GARRE1: variants seen among roughly 807,000 people sequenced by gnomAD.
GARRE1 encodes granule associated Rac and RHOG effector 1, also known as granule associated Rac and RHOG effector protein 1.
GARRE1 carries 49 observed loss-of-function variants against 103.2 expected under a neutral mutation model. That is an observed-to-expected ratio of 0.47 (90% confidence interval 0.38 to 0.60). GARRE1 has a LOEUF of 0.60. GARRE1 is among the 20% of genes least tolerant of loss of function. The pLI is 0.00. For missense variants in GARRE1, 1,199 were observed against 1,370.5 expected, an observed-to-expected ratio of 0.87 and a Z score of 1.98; for synonymous variants, 505 against 532.8, an observed-to-expected ratio of 0.95 and a Z score of 0.72.
Position 34,267,248 on chromosome 19 carries a change from A to G in GARRE1, c.-796+12634A>G, listed in dbSNP as rs1209499785. Among the ~76,000 whole-genome samples, 3 of 152,312 alleles carry G rather than the reference A, an allele frequency of 2.0e-5. No individual in the cohort carries two copies. The East Asian group carries it at 5.8e-4, about 29-fold the overall frequency. On this transcript the variant is annotated intron_variant, in intron 1 of 13. Transcript: ENST00000299505. ...CAACTGCAGTACTCTAGCCTTGGCA[A>G]CAGAGCAAGAGACTGTAAGGTCTCA...
At chr19:34,279,333 C>G (rs1044863426) in intron 1 of GARRE1, among the ~76,000 whole-genome samples, 3 of 152,148 alleles carry the variant, frequency 2.0e-5, no homozygotes, top group Non-Finnish European at 2.9e-5. Flanking sequence ...CAGTGTCTCG[C>G]TCTCCGTCCC....
intron 1 of GARRE1, chr19:34,296,647 G>A: frequency 9.7e-7 from 1 of 1,033,286 alleles, no homozygotes; most frequent in East Asian, 2.4e-5. Context: ...ATCCACTTAA[G>A]AGATTTGTAT....
rs752618900 is a variant in GARRE1 at position 34,330,259 on chromosome 19, T to C, written c.1175T>C (p.Val392Ala). Reference protein sequence around the residue: ...NGITSRDDFPVTEVLNQVCPS... With the variant: ...NGITSRDDFPATEVLNQVCPS... ...ATCACATCCAGGGATGATTTTCCTG[T>C]GACTGAAGTGCTGAACCAGGTTTGC... The change falls in exon 7 of 14, where the codon GTG becomes GCG. Residue 392 changes from valine to alanine, a missense_variant. Coordinates refer to ENST00000299505, the MANE Select transcript of GARRE1 (RefSeq NM_014686.5). The C allele has an allele frequency of 3.1e-6, 5 of 1,614,188 alleles. No homozygotes were observed. Among genetic ancestry groups the C allele is most frequent in the Non-Finnish European group, 4.2e-6 (5 of 1,180,000 alleles).
intron 2 of GARRE1, among the ~76,000 whole-genome samples, chr19:34,319,504 T>C (rs554541760): frequency 4.6e-5 from 7 of 152,214 alleles, no homozygotes; most frequent in Non-Finnish European, 1.0e-4. Context: ...TTCAGATTTT[T>C]AGTTGCATGG....
chr19:34,343,033 G>A (rs1485297508), intron 10 of GARRE1, among the ~76,000 whole-genome samples: 1 of 151,992 alleles, frequency 6.6e-6, no homozygotes, highest in African/African-American at 2.4e-5. Flanking sequence ...AAGTAAATTA[G>A]AAAGAAAAAT....
At chr19:34,306,522 G>A (rs1030773693) in intron 2 of GARRE1, among the ~76,000 whole-genome samples, 1 of 152,194 alleles carries the variant, frequency 6.6e-6, no homozygotes, top group Non-Finnish European at 1.5e-5. Context: ...GCATATGTGA[G>A]TCCTGTCCAG....
intron 1 of GARRE1, among the ~76,000 whole-genome samples, chr19:34,290,444 A>G (rs2073911308): frequency 6.6e-6 from 1 of 152,196 alleles, no homozygotes; most frequent in African/African-American, 2.4e-5. Flanking sequence ...ATGTGCTAAG[A>G]GGACTTCACT....
chr19:34,263,647 T>G (rs1206657359), intron 1 of GARRE1, among the ~76,000 whole-genome samples: 1 of 151,986 alleles, frequency 6.6e-6, no homozygotes, highest in Non-Finnish European at 1.5e-5. Context: ...CTGGCTAATT[T>G]TTGTATTTTT....
rs567592914 is a variant in GARRE1 at position 34,319,483 on chromosome 19, A to AAAT, written c.496-424_496-423insAAT. On this transcript the variant is annotated intron_variant, in intron 2 of 13. Transcript: ENST00000299505. Reference sequence around the variant, plus strand: ...TTTCAACGGAATGTCTTATGGTCAAACTGGCCTTCTTTCAGATTTTTAGTT... The same window carrying AAAT: ...TTTCAACGGAATGTCTTATGGTCAAAAATCTGGCCTTCTTTCAGATTTTTAGTT... 1.2e-4 allele frequency among the ~76,000 whole-genome samples: 19 copies of AAAT among 152,328 alleles called. No individual in the cohort carries two copies. In the South Asian group the frequency reaches 3.7e-3, roughly 30 times the overall value.
At chr19:34,284,428 G>C (rs1180453184) in intron 1 of GARRE1, among the ~76,000 whole-genome samples, 1 of 152,074 alleles carries the variant, frequency 6.6e-6, no homozygotes, top group Non-Finnish European at 1.5e-5. Context: ...TCTGGCCTTC[G>C]TGTAGTTTCA....
In GARRE1 at chr19:34,337,837, C is replaced by T. The variant is rs149291726; in HGVS notation, c.1362-2030C>T. ...CTTTTCTACATGGCCAACAAATGCT[C>T]TCCTAGTGGGCAAACATGTGACAAG... On this transcript the variant is annotated intron_variant, in intron 8 of 13. Transcript: ENST00000299505. Among the ~76,000 whole-genome samples the T allele has an allele frequency of 1.1e-4, 16 of 152,334 alleles. No individual in the cohort carries two copies. The East Asian group carries it at 2.7e-3, about 26-fold the overall frequency.
At chr19:34,263,265 GAGATAGATAGATAGAT>G (rs147778168) in intron 1 of GARRE1, among the ~76,000 whole-genome samples, 6 of 149,494 alleles carry the variant, frequency 4.0e-5, no homozygotes, top group Non-Finnish European at 7.4e-5. Context: ...TCTCGATAGA[GAGATAGATAGATAGAT>G]AGATAGATAG....
intron 3 of GARRE1, among the ~76,000 whole-genome samples, chr19:34,321,992 G>GGGGGC: frequency 6.6e-6 from 1 of 152,128 alleles, no homozygotes; most frequent in Non-Finnish European, 1.5e-5. Flanking sequence ...TGACTAAATG[G>GGGGGC]TGGGCTGCAG....
intron 2 of GARRE1, among the ~76,000 whole-genome samples, chr19:34,309,539 C>G (rs1448902975): frequency 6.6e-6 from 1 of 152,046 alleles, no homozygotes; most frequent in Non-Finnish European, 1.5e-5. Context: ...CTGTGTTGCC[C>G]AGGCTGTGAG....
At chr19:34,315,731 A>AAT (rs2074057432) in intron 2 of GARRE1, among the ~76,000 whole-genome samples, 1 of 151,566 alleles carries the variant, frequency 6.6e-6, no homozygotes, top group Non-Finnish European at 1.5e-5. Flanking sequence ...AAAAAAAAAA[A>AAT]AGGGTAGTTT....
chr19:34,329,622 G>A (rs933980381), intron 6 of GARRE1, among the ~76,000 whole-genome samples: 5 of 152,046 alleles, frequency 3.3e-5, no homozygotes, highest in Non-Finnish European at 2.9e-5. Flanking sequence ...GATCACCTGA[G>A]GTCAGGAGTT....
At chr19:34,266,990 A>G (rs1346781043) in intron 1 of GARRE1, among the ~76,000 whole-genome samples, 1 of 152,068 alleles carries the variant, frequency 6.6e-6, no homozygotes. Flanking sequence ...TGGGCCAGAC[A>G]TGGTAGTTTA....
At chr19:34,332,459 A>AT (rs1314006116) in intron 7 of GARRE1, among the ~76,000 whole-genome samples, 1 of 152,226 alleles carries the variant, frequency 6.6e-6, no homozygotes, top group African/African-American at 2.4e-5. Context: ...ATTAAAAAAA[A>AT]AAAAAAGTTC....
chr19:34,327,511 C>T lies in GARRE1; in HGVS notation c.796C>T (p.Pro266Ser), dbSNP rs979489908. 3.7e-6 allele frequency: 6 copies of T among 1,613,946 alleles called. No individual in the cohort carries two copies. The highest frequency in any genetic ancestry group is 5.1e-6 in the Non-Finnish European group (6 of 1,180,010). Residue 266 changes from proline to serine, a missense_variant, in exon 4 of 14, where the codon CCT becomes TCT. Physicochemically the swap from Pro to Ser is moderately conservative, Grantham distance 74 (BLOSUM62 -1). Coordinates refer to ENST00000299505, the MANE Select transcript of GARRE1 (RefSeq NM_014686.5). ...QLFCSQSAAI[P>S]EHQLKELNIK... is the part of the protein sequence containing the mutation. Reference sequence around the variant, plus strand: ...CTTTTGTTCTCAAAGTGCAGCAATTCCTGAGCACCAGCTAAAAGAACTGAA... The same window carrying T: ...CTTTTGTTCTCAAAGTGCAGCAATTTCTGAGCACCAGCTAAAAGAACTGAA...
Sources: allele counts gnomAD v4.1 joint callset (sites outside exome capture counted in the v4.1 genomes callset), GRCh38; gene constraint gnomAD v4.1.1; transcripts MANE v1.5; gene names NCBI Gene and HGNC (gene_info 2026-07-23, HGNC 2026-07-21).